Variants in CFAP299 observed in about 807,000 individuals in gnomAD.
CFAP299 encodes the protein cilia and flagella associated protein 299.
CFAP299 carries 21 observed loss-of-function variants against 27.0 expected under a neutral mutation model. The observed-to-expected ratio is 0.78, with a 90% confidence interval of 0.55 to 1.12. The LOEUF (loss-of-function observed/expected upper bound fraction) is 1.12. Among genes scored for constraint, CFAP299 ranks in the 50% most tolerant of loss-of-function variants. The pLI is 0.00. For missense variants in CFAP299, 310 were observed against 276.6 expected (o/e 1.12, Z -0.86); for synonymous variants, 104 against 98.1 (o/e 1.06, Z -0.36).
intron 2 of CFAP299, chr4:80,386,789 G>T: frequency 8.7e-7 from 1 of 1,143,884 alleles, no homozygotes; most frequent in Non-Finnish European, 1.3e-6. Flanking sequence ...ACCGCAGCTT[G>T]TGTGCGTCGA....
chr4:80,375,369 C>G (rs370172704), intron 2 of CFAP299, among the ~76,000 whole-genome samples: 1 of 152,148 alleles, frequency 6.6e-6, no homozygotes, highest in East Asian at 1.9e-4. Context: ...CTAGGGCATT[C>G]CCCTTGAATG....
intron 3 of CFAP299, among the ~76,000 whole-genome samples, chr4:80,691,967 C>T (rs1720735716): frequency 6.6e-6 from 1 of 151,872 alleles, no homozygotes; most frequent in Non-Finnish European, 1.5e-5. Context: ...GAATAAAATA[C>T]CTAGGAATCC....
At chr4:80,711,737 T>A (rs909251629) in intron 3 of CFAP299, among the ~76,000 whole-genome samples, 3 of 152,286 alleles carry the variant, frequency 2.0e-5, no homozygotes, top group Admixed American at 6.5e-5. Flanking sequence ...TATTTAGCTA[T>A]CTGGGAGATG....
At chr4:80,933,490 C>T (rs1578249132) in intron 4 of CFAP299, among the ~76,000 whole-genome samples, 1 of 152,132 alleles carries the variant, frequency 6.6e-6, no homozygotes, top group South Asian at 2.1e-4. Context: ...TCTTTTAAGG[C>T]AAAATTATAT....
At chr4:80,377,230 T>G (rs926868003) in intron 2 of CFAP299, among the ~76,000 whole-genome samples, 2 of 152,160 alleles carry the variant, frequency 1.3e-5, no homozygotes, top group African/African-American at 4.8e-5. Context: ...TATTTTCTTT[T>G]AAAACTTTAG....
At chr4:80,417,276 G>A (rs57301722) in intron 2 of CFAP299, among the ~76,000 whole-genome samples, 44,701 of 152,044 alleles carry the variant, frequency 0.29, 8,224 homozygotes, top group Non-Finnish European at 0.39. Context: ...CTTGGTTTTG[G>A]TGGGTTTTAG....
chr4:80,424,180 A>T lies in CFAP299; in HGVS notation c.242+61296A>T, dbSNP rs560122132. Among the ~76,000 whole-genome samples, 83 of 152,240 alleles carry T rather than the reference A, an allele frequency of 5.5e-4. 1 individual carries two copies. Among genetic ancestry groups the T allele is most frequent in the African/African-American group, 1.9e-3 (80 of 41,552 alleles). Reference sequence around the variant, plus strand: ...TAAGCCATTTTGGAAGAGGAAGGGAAATTCTTTGCTTCAGTGGCACTCTTC... The same window carrying T: ...TAAGCCATTTTGGAAGAGGAAGGGATATTCTTTGCTTCAGTGGCACTCTTC... On this transcript the variant is annotated intron_variant, in intron 2 of 5. Transcript: ENST00000358105.
chr4:80,860,031 A>G (rs1326888470), intron 3 of CFAP299, among the ~76,000 whole-genome samples: 2 of 152,300 alleles, frequency 1.3e-5, no homozygotes, highest in Non-Finnish European at 2.9e-5. Context: ...CATTCTCCCC[A>G]TCACTTTCAG....
chr4:80,566,856 A>T (rs1735320175), intron 2 of CFAP299, among the ~76,000 whole-genome samples: 1 of 152,104 alleles, frequency 6.6e-6, no homozygotes, highest in Non-Finnish European at 1.5e-5. Flanking sequence ...CACAAAGAAC[A>T]TCTATTTCCT....
At chr4:80,816,140 G>A (rs1029651778) in intron 3 of CFAP299, among the ~76,000 whole-genome samples, 17 of 151,894 alleles carry the variant, frequency 1.1e-4, no homozygotes, top group African/African-American at 4.1e-4. Flanking sequence ...ATGAGAATAA[G>A]ATTTAAAAAA....
At chr4:80,895,755 G>T (rs920808295) in intron 4 of CFAP299, among the ~76,000 whole-genome samples, 1 of 151,936 alleles carries the variant, frequency 6.6e-6, no homozygotes, top group African/African-American at 2.4e-5. Flanking sequence ...AGCTCATCTG[G>T]GAAGCAGCTG....
At chr4:80,363,293 C>G (rs879881323) in intron 2 of CFAP299, among the ~76,000 whole-genome samples, 2 of 152,042 alleles carry the variant, frequency 1.3e-5, no homozygotes, top group Non-Finnish European at 2.9e-5. Context: ...ACTTTTTAAT[C>G]ACTAACTTTT....
intron 2 of CFAP299, chr4:80,387,359 T>C (rs1190805790): frequency 7.3e-7 from 1 of 1,375,062 alleles, no homozygotes; most frequent in Admixed American, 1.7e-5. Flanking sequence ...CTGCTCGTTC[T>C]TATGCTGGGT....
At chr4:80,726,686 T>C (rs1057367445) in intron 3 of CFAP299, among the ~76,000 whole-genome samples, 1 of 152,194 alleles carries the variant, frequency 6.6e-6, no homozygotes, top group African/African-American at 2.4e-5. Context: ...ACATATGTTC[T>C]TTCCCTGATT....
chr4:80,648,361 G>C (rs966229685), intron 3 of CFAP299, among the ~76,000 whole-genome samples: 22 of 152,138 alleles, frequency 1.4e-4, no homozygotes, highest in African/African-American at 5.3e-4. Context: ...GTTTTAAAAT[G>C]GTAACTACTT....
chr4:80,631,059 G>A (rs1377211643), intron 3 of CFAP299, among the ~76,000 whole-genome samples: 1 of 152,126 alleles, frequency 6.6e-6, no homozygotes, highest in East Asian at 1.9e-4. Flanking sequence ...TATTAGAGTA[G>A]TGTTGTTTAA....
chr4:80,450,124 G>GA (rs892124734), intron 2 of CFAP299, among the ~76,000 whole-genome samples: 21 of 152,186 alleles, frequency 1.4e-4, no homozygotes, highest in Middle Eastern at 3.4e-3. Flanking sequence ...TAAATTGACT[G>GA]AAAAAACTCA....
intron 3 of CFAP299, among the ~76,000 whole-genome samples, chr4:80,692,742 C>T (rs998129920): frequency 6.6e-6 from 1 of 152,054 alleles, no homozygotes; most frequent in Non-Finnish European, 1.5e-5. Context: ...AAGAAACTAC[C>T]ATCAGAGTGA....
intron 2 of CFAP299, among the ~76,000 whole-genome samples, chr4:80,480,568 T>G (rs1445333166): frequency 6.6e-6 from 1 of 152,020 alleles, no homozygotes; most frequent in East Asian, 1.9e-4. Flanking sequence ...CAAGTTAAGT[T>G]CCACTTAGGT....
Sources: allele counts gnomAD v4.1 joint callset (sites outside exome capture counted in the v4.1 genomes callset), GRCh38; gene constraint gnomAD v4.1.1; transcripts MANE v1.5; gene names NCBI Gene and HGNC (gene_info 2026-07-23, HGNC 2026-07-21).